Variants in PHF10 observed in about 807,000 individuals in gnomAD.
PHF10 encodes PHD finger protein 10, also known as BRG1-associated factor 45a.
In PHF10, 51 loss-of-function variants were observed where a neutral mutation model predicts 68.5. The ratio of observed to expected loss-of-function variants is 0.74; its 90% CI spans 0.59 to 0.94. The LOEUF is 0.94. Ranked by LOEUF, PHF10 falls within the 40% of genes least tolerant of loss-of-function variation. The probability of loss-of-function intolerance (pLI) is 0.00; values close to 1 mark genes in which losing one functional copy is unlikely to be tolerated. For synonymous variants in PHF10, 204 were observed against 203.5 expected, an observed-to-expected ratio of 1.00 and a Z score of -0.02; for missense variants, 460 against 602.6, an observed-to-expected ratio of 0.76 and a Z score of 2.48.
chr6:169,717,620 A>G (rs1044489643), intron 4 of PHF10: 34 of 473,174 alleles, frequency 7.2e-5, no homozygotes, highest in Middle Eastern at 5.6e-4. Context: ...CTGAACCATC[A>G]TAAGTCAGGA....
intron 2 of PHF10, 187 bp from the exon 3 acceptor site, chr6:169,719,105 A>C (rs1789117609): frequency 2.1e-6 from 1 of 480,492 alleles, no homozygotes; most frequent in Non-Finnish European, 3.7e-6. Flanking sequence ...TGGTCTACCA[A>C]GTCAAAAAGG....
At position 169,723,958 on chromosome 6, in the gene PHF10, G is replaced by GCCGCCGTCGCCT. The variant is rs1585308023; in HGVS notation, c.-39_-28dup. ...AGCCCGAGCGCCCCGCGCCGCCGCC[G>GCCGCCGTCGCCT]CCGCCGTCGCCTCCGCCTTGTCCCG... On this transcript the variant is annotated 5_prime_UTR_variant, in exon 1 of 12. Coordinates refer to ENST00000339209, the MANE Select transcript of PHF10 (RefSeq NM_018288.4). The GCCGCCGTCGCCT allele has an allele frequency of 2.7e-6, 2 of 751,796 alleles. No individual in the cohort carries two copies. Among genetic ancestry groups the GCCGCCGTCGCCT allele is most frequent in the Non-Finnish European group, 3.2e-6 (2 of 620,414 alleles). 46.6% of individuals were successfully genotyped at this position (751,796 alleles called of 1,614,324 possible).
chr6:169,717,278 C>T (rs898585192), intron 4 of PHF10, among the ~76,000 whole-genome samples: 4 of 152,126 alleles, frequency 2.6e-5, no homozygotes, highest in African/African-American at 9.7e-5. Flanking sequence ...GACAATTATA[C>T]TCTGTTATAG....
chr6:169,715,640 G>T, intron 6 of PHF10, 68 bp downstream of exon 6: 1 of 1,257,026 alleles, frequency 8.0e-7, no homozygotes, highest in Non-Finnish European at 1.2e-6. Context: ...GATAAAGGGG[G>T]TGATGGGCAC....
At chr6:169,720,083 A>G (rs1375497106) in intron 2 of PHF10, among the ~76,000 whole-genome samples, 2 of 152,174 alleles carry the variant, frequency 1.3e-5, no homozygotes, top group African/African-American at 4.8e-5. Flanking sequence ...AGTAGGCATT[A>G]TGAAAATGCA....
chr6:169,716,996 G>A (rs552048521), intron 4 of PHF10, among the ~76,000 whole-genome samples: 1 of 152,344 alleles, frequency 6.6e-6, no homozygotes, highest in East Asian at 1.9e-4. Flanking sequence ...GCTCATGCCT[G>A]TAATCCCAGC....
In PHF10 at chr6:169,723,821, G is replaced by C. The variant is rs1789248854; in HGVS notation, c.87+24C>G. ...CCAGGCCCGGGACGGGGTCAGGGTC[G>C]GGTCGCACCGGCCGCTTCCTCACCT... On this transcript the variant is annotated intron_variant, in intron 1 of 11. Coordinates refer to ENST00000339209, the MANE Select transcript of PHF10 (RefSeq NM_018288.4). 3.4e-6 allele frequency: 3 copies of C among 882,266 alleles called. No individual in the cohort carries two copies. The South Asian group carries it at 1.6e-4, about 47-fold the overall frequency. The allele number at this position is 882,266 out of a possible 1,614,324, so 54.7% of individuals were successfully genotyped here.
intron 9 of PHF10, chr6:169,709,066 A>T (rs1788870409): frequency 6.6e-6 from 1 of 152,064 alleles, no homozygotes; most frequent in African/African-American, 2.4e-5. Flanking sequence ...TGCTTGCTAT[A>T]GGCTACAAAA....
At chr6:169,711,748 A>G (rs963827503) in intron 8 of PHF10, among the ~76,000 whole-genome samples, 1 of 152,232 alleles carries the variant, frequency 6.6e-6, no homozygotes, top group Non-Finnish European at 1.5e-5. Flanking sequence ...ATGGTAGCAC[A>G]ATCTCACATT....
intron 2 of PHF10, among the ~76,000 whole-genome samples, chr6:169,719,460 AG>A (rs1401223187): frequency 6.6e-6 from 1 of 152,258 alleles, no homozygotes; most frequent in East Asian, 1.9e-4. Flanking sequence ...TGAAGGTGCC[AG>A]GGTATCACAG....
intron 7 of PHF10, among the ~76,000 whole-genome samples, chr6:169,714,117 CAAA>C (rs113850766): frequency 8.3e-6 from 1 of 121,048 alleles, no homozygotes; most frequent in Admixed American, 8.5e-5. Context: ...AAGACTGTCT[CAAA>C]AAAAAAAAAA....
chr6:169,710,839 GAAAA>G (rs569646661), intron 8 of PHF10, among the ~76,000 whole-genome samples: 1 of 133,992 alleles, frequency 7.5e-6, no homozygotes, highest in African/African-American at 2.7e-5. Flanking sequence ...CTGCAGTTAG[GAAAA>G]AAAAAAAAAA....
At chr6:169,706,714 A>G (rs1788800956) in intron 9 of PHF10, among the ~76,000 whole-genome samples, 1 of 92,194 alleles carries the variant, frequency 1.1e-5, no homozygotes, top group Non-Finnish European at 2.7e-5. Flanking sequence ...GTAAGGGGAC[A>G]TACATACATA....
In PHF10 at chr6:169,718,560, C is replaced by G. The variant is rs573041810; in HGVS notation, c.325+228G>C. Reference sequence around the variant, plus strand: ...TGGTGCACACCTGTAGTCCCAGATACTTAGAAGGCTGAGGCAGGGAGACAG... The same window carrying G: ...TGGTGCACACCTGTAGTCCCAGATAGTTAGAAGGCTGAGGCAGGGAGACAG... On this transcript the variant is annotated intron_variant, in intron 3 of 11. Coordinates refer to ENST00000339209, the MANE Select transcript of PHF10 (RefSeq NM_018288.4). 3.3e-5 allele frequency among the ~76,000 whole-genome samples: 5 copies of G among 152,220 alleles called. No individual in the cohort carries two copies. The South Asian group carries it at 1.0e-3, about 32-fold the overall frequency.
At chr6:169,720,321 CA>C (rs1789146810) in intron 2 of PHF10, among the ~76,000 whole-genome samples, 1 of 151,942 alleles carries the variant, frequency 6.6e-6, no homozygotes, top group African/African-American at 2.4e-5. Flanking sequence ...GATAAACATC[CA>C]AAAAAACTGA....
Position 169,715,782 on chromosome 6 carries a change from C to CT in PHF10, c.618dup (p.Ala207SerfsTer5). 6.2e-7 allele frequency: 1 copy of CT among 1,613,680 alleles called. No individual in the cohort carries two copies. The highest frequency in any genetic ancestry group is 8.5e-7 in the Non-Finnish European group (1 of 1,179,910). Reference sequence around the variant, plus strand: ...TTTAAGTTGCTATTAAATTCTGCTGCTTTTTTGGCAGCTTTCTTAATATAC... The same window carrying CT: ...TTTAAGTTGCTATTAAATTCTGCTGCTTTTTTTGGCAGCTTTCTTAATATAC... On this transcript the variant is annotated frameshift_variant, in exon 6 of 12. Transcript: ENST00000339209. LOFTEE classifies it high-confidence loss of function.
intron 9 of PHF10, among the ~76,000 whole-genome samples, 177 bp from the exon 10 acceptor site, chr6:169,705,901 A>G (rs1221915350): frequency 6.6e-6 from 1 of 152,212 alleles, no homozygotes; most frequent in East Asian, 1.9e-4. Flanking sequence ...TACTGAAGAA[A>G]GCATTAATTT....
intron 4 of PHF10, among the ~76,000 whole-genome samples, chr6:169,717,145 G>A (rs1335284833): frequency 6.6e-6 from 1 of 152,060 alleles, no homozygotes; most frequent in African/African-American, 2.4e-5. Context: ...CCAGCTACTC[G>A]GTAGGCTGAG....
chr6:169,716,928 A>C (rs1789061891), intron 4 of PHF10, among the ~76,000 whole-genome samples: 1 of 152,216 alleles, frequency 6.6e-6, no homozygotes, highest in Non-Finnish European at 1.5e-5. Flanking sequence ...CTTTGTACAA[A>C]AAATACAAAC....
Sources: allele counts gnomAD v4.1 joint callset (sites outside exome capture counted in the v4.1 genomes callset), GRCh38; gene constraint gnomAD v4.1.1; transcripts MANE v1.5; gene names NCBI Gene and HGNC (gene_info 2026-07-23, HGNC 2026-07-21).